The following ASIC5 variants were observed in gnomAD, a reference collection of about 807,000 sequenced individuals.
The protein encoded by ASIC5 is acid sensing ion channel subunit family member 5.
Under a neutral mutation model 51.2 loss-of-function variants are expected in ASIC5, and 52 were observed. The ratio of observed to expected loss-of-function variants is 1.02; its 90% CI spans 0.81 to 1.28. The LOEUF (loss-of-function observed/expected upper bound fraction) is 1.28. Among genes scored for constraint, ASIC5 ranks in the 50% most tolerant of loss-of-function variants. The pLI is 0.00. For missense variants in ASIC5, 635 were observed against 595.0 expected, an observed-to-expected ratio of 1.07 and a Z score of -0.70; for synonymous variants, 231 against 200.7, an observed-to-expected ratio of 1.15 and a Z score of -1.28.
At chr4:155,842,398 C>G (rs1165084469) in intron 5 of ASIC5, 44 bp from the exon 6 acceptor site, 1 of 1,492,166 alleles carries the variant, frequency 6.7e-7, no homozygotes, top group Non-Finnish European at 9.1e-7. Flanking sequence ...GTGTTTACAT[C>G]AATTCACTTA....
chr4:155,862,151 T>C (rs1190986143), intron 2 of ASIC5, among the ~76,000 whole-genome samples: 1 of 152,126 alleles, frequency 6.6e-6, no homozygotes, highest in Admixed American at 6.6e-5. Flanking sequence ...TCTCTGTTTT[T>C]GTTAGAACAC....
intron 7 of ASIC5, among the ~76,000 whole-genome samples, chr4:155,837,169 TG>T (rs1741003465): frequency 1.3e-5 from 2 of 149,658 alleles, no homozygotes; most frequent in African/African-American, 4.9e-5. Flanking sequence ...GAAGAATATC[TG>T]GGTCTATTTC....
rs746546867 is a variant in ASIC5 at position 155,843,794 on chromosome 4, C to T, written c.748G>A (p.Asp250Asn). The T allele has an allele frequency of 9.9e-6, 16 of 1,613,474 alleles. No homozygotes were observed. The highest frequency in any genetic ancestry group is 3.3e-4 in the Middle Eastern group (2 of 6,080). The change falls in exon 5 of 10, where the codon GAT (aspartate) becomes AAT (asparagine). Residue 250 changes from aspartate (D) to asparagine (N), a missense_variant. Transcript: ENST00000537611. ...FTDNPALGFV[D>N]AGIIFVIHSP... is the part of the protein sequence containing the mutation. ...TGGATAACAAAGATGATCCCAGCATCAACGAAACCAAGGGCTGGGTTATCA... is the reference window on the plus strand; with the variant it reads ...TGGATAACAAAGATGATCCCAGCATTAACGAAACCAAGGGCTGGGTTATCA...
intron 2 of ASIC5, among the ~76,000 whole-genome samples, chr4:155,856,269 T>C (rs1741536713): frequency 6.6e-6 from 1 of 152,134 alleles, no homozygotes; most frequent in Non-Finnish European, 1.5e-5. Context: ...CACTAATTTT[T>C]CAGCCTATCT....
chr4:155,843,173 G>A (rs953036836), intron 5 of ASIC5, among the ~76,000 whole-genome samples: 4 of 152,078 alleles, frequency 2.6e-5, no homozygotes, highest in African/African-American at 9.7e-5. Flanking sequence ...GTCTATCAAT[G>A]GTAAGTGCTT....
intron 4 of ASIC5, among the ~76,000 whole-genome samples, chr4:155,846,678 T>G (rs897981765): frequency 6.6e-6 from 1 of 152,106 alleles, no homozygotes; most frequent in Non-Finnish European, 1.5e-5. Context: ...ATCATGACTA[T>G]CGTAGTTTTC....
At chr4:155,861,005 T>A (rs953584382) in intron 2 of ASIC5, among the ~76,000 whole-genome samples, 4 of 152,000 alleles carry the variant, frequency 2.6e-5, no homozygotes, top group African/African-American at 9.7e-5. Flanking sequence ...ATTTCTTCTT[T>A]GACTTCTTTG....
chr4:155,854,002 TG>T (rs1725273855), intron 3 of ASIC5, 74 bp downstream of exon 3: 1 of 1,116,768 alleles, frequency 9.0e-7, no homozygotes, highest in East Asian at 2.4e-5. Flanking sequence ...GTAAATGCCG[TG>T]GGAGCTCAAT....
At chr4:155,849,601 T>C (rs752889337) in intron 4 of ASIC5, among the ~76,000 whole-genome samples, 6 of 152,118 alleles carry the variant, frequency 3.9e-5, no homozygotes, top group Non-Finnish European at 8.8e-5. Flanking sequence ...GTACACCTGT[T>C]GTTAGATTCT....
At chr4:155,854,020 C>G in intron 3 of ASIC5, 57 bp downstream of exon 3, 1 of 1,299,580 alleles carries the variant, frequency 7.7e-7, no homozygotes, top group Non-Finnish European at 1.1e-6. Flanking sequence ...CAATGTGAAA[C>G]AGTGCAGTAA....
intron 7 of ASIC5, among the ~76,000 whole-genome samples, chr4:155,837,900 CTGCATGCATGGTTTTTT>C (rs1741023660): frequency 6.6e-6 from 1 of 152,044 alleles, no homozygotes; most frequent in Non-Finnish European, 1.5e-5. Flanking sequence ...CCCCGCTAAA[CTGCATGCATGGTTTTTT>C]TCCCCAAGCT....
chr4:155,841,313 C>T (rs959078160), intron 6 of ASIC5, among the ~76,000 whole-genome samples: 1 of 152,126 alleles, frequency 6.6e-6, no homozygotes, highest in Admixed American at 6.6e-5. Flanking sequence ...AAATATCTGA[C>T]ATTTACATAG....
intron 5 of ASIC5, 46 bp downstream of exon 5, chr4:155,843,635 G>C (rs773792266): frequency 1.3e-5 from 20 of 1,597,656 alleles, no homozygotes; most frequent in Non-Finnish European, 1.7e-5. Flanking sequence ...TTATGTGTTT[G>C]ATGCATTCAC....
intron 4 of ASIC5, among the ~76,000 whole-genome samples, chr4:155,847,936 C>T (rs6826033): frequency 0.072 from 10,944 of 152,032 alleles, 1,027 homozygotes; most frequent in African/African-American, 0.22. Context: ...ATATGGACTC[C>T]TGTGTCAGAT....
intron 2 of ASIC5, among the ~76,000 whole-genome samples, chr4:155,858,046 C>T (rs928311718): frequency 1.3e-5 from 2 of 152,020 alleles, no homozygotes; most frequent in African/African-American, 4.8e-5. Flanking sequence ...TCACTACATC[C>T]AATTATTATT....
intron 4 of ASIC5, among the ~76,000 whole-genome samples, chr4:155,846,534 A>C (rs1741247246): frequency 6.6e-6 from 1 of 152,266 alleles, no homozygotes; most frequent in South Asian, 2.1e-4. Flanking sequence ...AACCTAAACT[A>C]TAAACTCAGT....
At chr4:155,836,407 C>A (rs74723954) in intron 8 of ASIC5, among the ~76,000 whole-genome samples, 2,544 of 152,292 alleles carry the variant, frequency 0.017, 57 homozygotes, top group African/African-American at 0.057. Flanking sequence ...CCATTATTAT[C>A]AGTCAACATT....
intron 4 of ASIC5, among the ~76,000 whole-genome samples, chr4:155,845,809 A>G (rs1164398361): frequency 6.6e-6 from 1 of 152,098 alleles, no homozygotes; most frequent in African/African-American, 2.4e-5. Context: ...TATGATATAA[A>G]GTTTGCTATT....
At chr4:155,839,640 G>T (rs962559870) in intron 6 of ASIC5, among the ~76,000 whole-genome samples, 1 of 151,846 alleles carries the variant, frequency 6.6e-6, no homozygotes, top group Non-Finnish European at 1.5e-5. Context: ...AAAGGAGATT[G>T]TCCACTTACA....
Sources: allele counts gnomAD v4.1 joint callset (sites outside exome capture counted in the v4.1 genomes callset), GRCh38; gene constraint gnomAD v4.1.1; transcripts MANE v1.5; gene names NCBI Gene and HGNC (gene_info 2026-07-23, HGNC 2026-07-21).